ME3: variants seen among roughly 807,000 people sequenced by gnomAD.
ME3 encodes the protein malic enzyme 3.
In ME3, 48 loss-of-function variants were observed where a neutral mutation model predicts 68.9. The observed-to-expected ratio is 0.70, with a 90% CI of 0.55 to 0.89. The LOEUF is 0.89. ME3 is among the 40% of genes least tolerant of loss of function. ME3 has a pLI of 0.00. For missense variants in ME3, 675 were observed against 797.4 expected (o/e 0.85, Z 1.85); for synonymous variants, 320 against 318.8 (o/e 1.00, Z -0.04).
intron 4 of ME3, among the ~76,000 whole-genome samples, chr11:86,519,372 G>A (rs537943249): frequency 1.3e-5 from 2 of 152,340 alleles, no homozygotes; most frequent in South Asian, 4.1e-4. Context: ...TTAGGAGAAT[G>A]TTATTTCTTG....
intron 4 of ME3, among the ~76,000 whole-genome samples, chr11:86,537,236 T>C (rs1955738744): frequency 6.6e-6 from 1 of 151,618 alleles, no homozygotes; most frequent in South Asian, 2.1e-4. Flanking sequence ...TGTATACATA[T>C]GTAACTAACC....
At chr11:86,594,940 C>G (rs1959195183) in intron 2 of ME3, among the ~76,000 whole-genome samples, 2 of 145,422 alleles carry the variant, frequency 1.4e-5, no homozygotes, top group African/African-American at 5.1e-5. Flanking sequence ...CAGTGAAATG[C>G]TAGGCTTCTG....
intron 2 of ME3, among the ~76,000 whole-genome samples, chr11:86,616,600 T>G (rs79410307): frequency 2.2e-3 from 336 of 152,310 alleles, no homozygotes; most frequent in African/African-American, 7.9e-3. Flanking sequence ...GAATAAGAAT[T>G]CTACCTCTGT....
chr11:86,598,766 T>C (rs541327448), intron 2 of ME3, among the ~76,000 whole-genome samples: 1 of 152,158 alleles, frequency 6.6e-6, no homozygotes, highest in Non-Finnish European at 1.5e-5. Flanking sequence ...CCAGAGGAAC[T>C]ATCAGACAGC....
chr11:86,558,837 C>T (rs1280234358), intron 3 of ME3, among the ~76,000 whole-genome samples: 1 of 152,188 alleles, frequency 6.6e-6, no homozygotes, highest in African/African-American at 2.4e-5. Context: ...ATGAGTTTTC[C>T]CTATGGTACT....
chr11:86,471,414 G>A (rs116306072), intron 7 of ME3, among the ~76,000 whole-genome samples: 6,128 of 152,058 alleles, frequency 0.04, 129 homozygotes, highest in South Asian at 0.095. Flanking sequence ...GATTACAGAT[G>A]TAGGCCCAGA....
chr11:86,643,091 G>A (rs184679887), intron 2 of ME3, among the ~76,000 whole-genome samples: 527 of 152,152 alleles, frequency 3.5e-3, no homozygotes, highest in Non-Finnish European at 6.4e-3. Context: ...TGCTTCCTTA[G>A]GCCTCTCATG....
At chr11:86,539,792 C>A (rs1955922949) in intron 4 of ME3, among the ~76,000 whole-genome samples, 1 of 152,178 alleles carries the variant, frequency 6.6e-6, no homozygotes, top group African/African-American at 2.4e-5. Flanking sequence ...CCATCAGTAA[C>A]CTTCTGGACC....
chr11:86,623,678 TTGTTATAGAAATAGCAA>T (rs1256895719), intron 2 of ME3, among the ~76,000 whole-genome samples: 3 of 152,304 alleles, frequency 2.0e-5, no homozygotes, highest in Middle Eastern at 6.8e-3. Context: ...AACCAAGGCA[TTGTTATAGAAATAGCAA>T]TGTTATAGAA....
At chr11:86,539,664 C>T (rs1955914892) in intron 4 of ME3, among the ~76,000 whole-genome samples, 1 of 152,158 alleles carries the variant, frequency 6.6e-6, no homozygotes, top group Non-Finnish European at 1.5e-5. Context: ...CAATGCACAG[C>T]TCCTCCTCTC....
chr11:86,477,262 A>C (rs538086510), intron 7 of ME3, among the ~76,000 whole-genome samples: 2 of 152,298 alleles, frequency 1.3e-5, no homozygotes, highest in African/African-American at 4.8e-5. Context: ...TGCTTTTAAC[A>C]ATTGCAGTTA....
chr11:86,528,596 A>G (rs572488145), intron 4 of ME3, among the ~76,000 whole-genome samples: 11 of 152,196 alleles, frequency 7.2e-5, no homozygotes, highest in Non-Finnish European at 1.5e-4. Context: ...AATTGACCAC[A>G]TAGTTGGAAG....
At chr11:86,572,227 A>G (rs923648785) in intron 2 of ME3, among the ~76,000 whole-genome samples, 1 of 152,080 alleles carries the variant, frequency 6.6e-6, no homozygotes, top group Non-Finnish European at 1.5e-5. Context: ...AACCTGGTGT[A>G]TGAAGGCTCT....
intron 6 of ME3, 125 bp from the exon 7 acceptor site, chr11:86,487,565 A>G (rs1951768931): frequency 1.4e-6 from 1 of 705,496 alleles, no homozygotes; most frequent in Non-Finnish European, 2.5e-6. Flanking sequence ...GTAAGAAGGT[A>G]ACTGGATCCC....
chr11:86,669,430 T>C (rs1323353933), intron 2 of ME3, among the ~76,000 whole-genome samples: 3 of 152,188 alleles, frequency 2.0e-5, no homozygotes, highest in Non-Finnish European at 1.5e-5. Context: ...AGAGGTTTGA[T>C]TGACTCACAG....
rs1201290320 is a variant in ME3 at position 86,557,491 on chromosome 11, CAG to C, written c.318-791_318-790del. Among the ~76,000 whole-genome samples the C allele has an allele frequency of 8.5e-5, 13 of 152,142 alleles. No individual in the cohort carries two copies. In the East Asian group the frequency reaches 1.5e-3, roughly 18 times the overall value. ...AGGTGGGATGGGAGAAATTTTCTAA[CAG>C]GGGTAAAAAAGTCTGTGGTCTGGTG... is the stretch of plus-strand genomic sequence containing the variant. On this transcript the variant is annotated intron_variant, in intron 3 of 14. Transcript: ENST00000543262.
At chr11:86,624,541 G>A (rs1477297380) in intron 2 of ME3, among the ~76,000 whole-genome samples, 1 of 152,206 alleles carries the variant, frequency 6.6e-6, no homozygotes, top group Non-Finnish European at 1.5e-5. Flanking sequence ...AGTTTCTGGA[G>A]TGGCTACTAA....
chr11:86,557,769 G>C (rs565562324), intron 3 of ME3, among the ~76,000 whole-genome samples: 2 of 152,128 alleles, frequency 1.3e-5, no homozygotes, highest in African/African-American at 4.8e-5. Flanking sequence ...CTTACCCAGT[G>C]GCCATTTGTG....
At chr11:86,524,173 A>G (rs1444949846) in intron 4 of ME3, among the ~76,000 whole-genome samples, 1 of 152,224 alleles carries the variant, frequency 6.6e-6, no homozygotes. Flanking sequence ...GACGTCTAGA[A>G]GGCCTCTAGT....
Sources: allele counts gnomAD v4.1 joint callset (sites outside exome capture counted in the v4.1 genomes callset), GRCh38; gene constraint gnomAD v4.1.1; transcripts MANE v1.5; gene names NCBI Gene and HGNC (gene_info 2026-07-23, HGNC 2026-07-21).